Variants in SGMS1 observed in about 807,000 individuals in gnomAD.
SGMS1 encodes phosphatidylcholine:ceramide cholinephosphotransferase 1.
Under a neutral mutation model 46.2 loss-of-function variants are expected in SGMS1, and 13 were observed. The observed-to-expected ratio is 0.28, with a 90% CI of 0.18 to 0.45. The LOEUF (loss-of-function observed/expected upper bound fraction) is 0.45. Among genes scored for constraint, SGMS1 ranks in the 20% least tolerant of loss-of-function variants. SGMS1 has a pLI of 1.00. For missense variants in SGMS1, 324 were observed against 519.9 expected (o/e 0.62, Z 3.66); for synonymous variants, 203 against 187.8 (o/e 1.08, Z -0.66).
At chr10:50,436,290 G>C (rs1379747593) in intron 5 of SGMS1, among the ~76,000 whole-genome samples, 1 of 151,948 alleles carries the variant, frequency 6.6e-6, no homozygotes. Flanking sequence ...TGTATTTTTA[G>C]TAGAGACGGG....
intron 2 of SGMS1, among the ~76,000 whole-genome samples, chr10:50,536,385 C>G (rs1327639297): frequency 3.3e-5 from 5 of 151,998 alleles, no homozygotes. Flanking sequence ...AGGAATAAAC[C>G]TATCAGAAAT....
At chr10:50,619,189 G>A (rs995417356) in intron 1 of SGMS1, among the ~76,000 whole-genome samples, 1 of 152,084 alleles carries the variant, frequency 6.6e-6, no homozygotes, top group African/African-American at 2.4e-5. Flanking sequence ...GTGGTAGCAG[G>A]AGTGGAGGTG....
At chr10:50,457,524 A>G (rs1837207339) in intron 5 of SGMS1, among the ~76,000 whole-genome samples, 1 of 152,170 alleles carries the variant, frequency 6.6e-6, no homozygotes, top group Non-Finnish European at 1.5e-5. Context: ...CCCATCACCA[A>G]GGTAGTAAGC....
intron 2 of SGMS1, among the ~76,000 whole-genome samples, chr10:50,544,540 C>T (rs540291557): frequency 6.6e-6 from 1 of 152,282 alleles, no homozygotes; most frequent in Non-Finnish European, 1.5e-5. Flanking sequence ...CTACTTTTTC[C>T]TTAATAAATT....
intron 2 of SGMS1, among the ~76,000 whole-genome samples, chr10:50,581,963 C>G (rs760752705): frequency 6.6e-6 from 1 of 152,200 alleles, no homozygotes; most frequent in Non-Finnish European, 1.5e-5. Flanking sequence ...GAGACTCCCA[C>G]ATCCTAGGCA....
chr10:50,503,004 C>T (rs1837674868), intron 3 of SGMS1, among the ~76,000 whole-genome samples: 1 of 152,180 alleles, frequency 6.6e-6, no homozygotes, highest in African/African-American at 2.4e-5. Flanking sequence ...AAATGGCTGC[C>T]AGAGAAAATT....
chr10:50,353,361 A>G (rs1848059618), intron 6 of SGMS1, among the ~76,000 whole-genome samples: 1 of 152,308 alleles, frequency 6.6e-6, no homozygotes, highest in East Asian at 1.9e-4. Flanking sequence ...CAACAGATGC[A>G]GAAAAGGCCT....
chr10:50,474,434 G>T (rs562727185), intron 3 of SGMS1, among the ~76,000 whole-genome samples: 12 of 152,124 alleles, frequency 7.9e-5, no homozygotes, highest in South Asian at 4.2e-4. Flanking sequence ...CTCTTGCATG[G>T]TTTATAATCT....
At chr10:50,310,189 C>T (rs1004111027) in intron 9 of SGMS1, among the ~76,000 whole-genome samples, 42 of 152,118 alleles carry the variant, frequency 2.8e-4, no homozygotes, top group African/African-American at 9.7e-4. Flanking sequence ...GAATTCCACC[C>T]ACTTAAACTT....
intron 6 of SGMS1, among the ~76,000 whole-genome samples, chr10:50,388,839 T>A (rs1848723602): frequency 6.6e-6 from 1 of 152,180 alleles, no homozygotes. Context: ...CATGATCAGT[T>A]CTTAGATAGG....
At chr10:50,399,356 A>C (rs192934776) in intron 6 of SGMS1, among the ~76,000 whole-genome samples, 8 of 152,330 alleles carry the variant, frequency 5.3e-5, no homozygotes, top group African/African-American at 1.7e-4. Context: ...ATTGAAAATA[A>C]TATAGAATAT....
At chr10:50,382,940 G>A (rs934409661) in intron 6 of SGMS1, among the ~76,000 whole-genome samples, 2 of 152,100 alleles carry the variant, frequency 1.3e-5, no homozygotes. Flanking sequence ...CCTCACACAT[G>A]TAAATCAAAA....
In SGMS1 at chr10:50,307,094, G is replaced by A. The variant is rs750252153; in HGVS notation, c.*48C>T. 6.4e-7 allele frequency: 1 copy of A among 1,573,140 alleles called. No homozygotes were observed. The highest frequency in any genetic ancestry group is 1.2e-5 in the South Asian group (1 of 86,428). On this transcript the variant is annotated 3_prime_UTR_variant, in exon 11 of 11. Transcript: ENST00000361781. The surrounding 1 kb of genome is among the most constrained non-coding windows in gnomAD (Gnocchi z 4.2). ...ATTTTATGGCATCTTCTCTCATGGA[G>A]TTCTTAGCACTTCGGACAATTTGTC...
Position 50,343,995 on chromosome 10 carries a change from G to A in SGMS1, c.120C>T (p.Thr40=). ...HFTGQDLINL[T]QEDFKKPPLC... is the part of the protein sequence containing the mutation. ...AGGGGGGTTTTTTGAAATCCTCTTG[G>A]GTTAGGTTGATCAAGTCCTGGCCTG... Residue 40 remains threonine (T), a synonymous_variant, in exon 7 of 11, where the codon ACC becomes ACT. Transcript: ENST00000361781. 1 of 1,614,118 alleles carries A rather than the reference G, an allele frequency of 6.2e-7. No individual in the cohort carries two copies.
intron 2 of SGMS1, among the ~76,000 whole-genome samples, chr10:50,562,631 C>T (rs1270594884): frequency 6.6e-6 from 1 of 152,176 alleles, no homozygotes; most frequent in East Asian, 1.9e-4. Context: ...GCAAGCTCCG[C>T]CTCCCGGGTT....
chr10:50,531,911 TAAC>T (rs1437339633), intron 2 of SGMS1, among the ~76,000 whole-genome samples: 1 of 152,216 alleles, frequency 6.6e-6, no homozygotes. Context: ...GAATGGTCAG[TAAC>T]CAGCATGCAA....
At chr10:50,410,347 G>T (rs1849079276) in intron 6 of SGMS1, among the ~76,000 whole-genome samples, 1 of 152,164 alleles carries the variant, frequency 6.6e-6, no homozygotes, top group Non-Finnish European at 1.5e-5. Context: ...GTTATCTGGG[G>T]AGACTCACAT....
At chr10:50,418,078 G>A (rs1388598819) in intron 6 of SGMS1, 1 of 152,232 alleles carries the variant, frequency 6.6e-6, no homozygotes, top group Non-Finnish European at 1.5e-5. Context: ...TCTCGTCCCC[G>A]GAGGCAGTGT....
intron 2 of SGMS1, among the ~76,000 whole-genome samples, chr10:50,534,609 C>T (rs1425384846): frequency 6.6e-6 from 1 of 152,052 alleles, no homozygotes; most frequent in African/African-American, 2.4e-5. Context: ...TACTAAGATG[C>T]AAAATTACCC....
Sources: gnomAD v4.1 joint callset for allele counts (sites outside exome capture counted in the v4.1 genomes callset) on GRCh38, gnomAD v4.1.1 for gene constraint, Gnocchi (gnomAD v3.1) non-coding constraint, MANE v1.5 for transcripts, NCBI Gene and HGNC (gene_info 2026-07-23, HGNC 2026-07-21) for gene names.